Variants in PABPC4L observed in about 807,000 individuals in gnomAD.
PABPC4L encodes the protein poly(A) binding protein cytoplasmic 4 like, also known as polyadenylate-binding protein 4-like.
For missense variants in PABPC4L, 452 were observed against 451.4 expected (o/e 1.00, Z -0.01); for synonymous variants, 169 against 164.1 (o/e 1.03, Z -0.23).
downstream of PABPC4L, among the ~76,000 whole-genome samples, chr4:134,193,644 T>C (rs962299081): frequency 6.6e-6 from 1 of 151,940 alleles, no homozygotes; most frequent in Non-Finnish European, 1.5e-5. Flanking sequence ...CAAGTCCATG[T>C]TGGGCATCAA....
chr4:134,085,914 T>C, the PABPC4L span, among the ~76,000 whole-genome samples: 7 of 152,200 alleles, frequency 4.6e-5, no homozygotes, highest in African/African-American at 1.4e-4. Flanking sequence ...CTGGTAGATA[T>C]GTAAGTACGG....
the PABPC4L span, among the ~76,000 whole-genome samples, chr4:134,013,199 G>A: frequency 5.9e-5 from 9 of 151,636 alleles, no homozygotes; most frequent in South Asian, 2.1e-4. Flanking sequence ...CACCCTTAGC[G>A]GCAAGTCCCA....
chr4:134,050,643 T>G, the PABPC4L span, among the ~76,000 whole-genome samples: 2 of 141,916 alleles, frequency 1.4e-5, no homozygotes, highest in Admixed American at 1.5e-4. Context: ...AGGCAGGGGT[T>G]GCAGTGAGCC....
the PABPC4L span, among the ~76,000 whole-genome samples, chr4:133,956,922 A>G: frequency 6.6e-6 from 1 of 152,166 alleles, no homozygotes; most frequent in African/African-American, 2.4e-5. Flanking sequence ...CTATGATTCA[A>G]TTACTTCCCA....
At chr4:134,152,575 C>G in the PABPC4L span, among the ~76,000 whole-genome samples, 1 of 152,124 alleles carries the variant, frequency 6.6e-6, no homozygotes, top group South Asian at 2.1e-4. Flanking sequence ...TTCTGGGCAT[C>G]TGCACACTCA....
At chr4:133,976,443 T>G in the PABPC4L span, among the ~76,000 whole-genome samples, 2 of 152,176 alleles carry the variant, frequency 1.3e-5, no homozygotes, top group African/African-American at 4.8e-5. Flanking sequence ...TATAATAGAA[T>G]GACCATATTT....
At chr4:134,073,440 G>A in the PABPC4L span, among the ~76,000 whole-genome samples, 1 of 152,326 alleles carries the variant, frequency 6.6e-6, no homozygotes, top group African/African-American at 2.4e-5. Flanking sequence ...GCTCTGCAGG[G>A]TATAGGCCCC....
chr4:133,954,232 G>T, the PABPC4L span, among the ~76,000 whole-genome samples: 1 of 152,154 alleles, frequency 6.6e-6, no homozygotes, highest in Non-Finnish European at 1.5e-5. Flanking sequence ...ACATATGTCG[G>T]GGGAAAGCAT....
At chr4:134,190,445 A>G in the PABPC4L span, among the ~76,000 whole-genome samples, 1 of 151,948 alleles carries the variant, frequency 6.6e-6, no homozygotes, top group East Asian at 1.9e-4. Flanking sequence ...TAATTCTTTA[A>G]TTTTTATTCT....
At chr4:134,006,525 G>T in the PABPC4L span, among the ~76,000 whole-genome samples, 1 of 151,928 alleles carries the variant, frequency 6.6e-6, no homozygotes, top group East Asian at 1.9e-4. Context: ...AGCTACTTTT[G>T]TCTCTTTCTG....
At chr4:134,045,132 CAT>C in the PABPC4L span, among the ~76,000 whole-genome samples, 2 of 152,070 alleles carry the variant, frequency 1.3e-5, no homozygotes, top group Admixed American at 6.6e-5. Flanking sequence ...ACTTTACTAA[CAT>C]TATGCATTTC....
downstream of PABPC4L, among the ~76,000 whole-genome samples, chr4:134,191,720 C>A (rs1226275049): frequency 6.6e-6 from 1 of 151,892 alleles, no homozygotes; most frequent in Non-Finnish European, 1.5e-5. Flanking sequence ...TATTGGTTGA[C>A]CCTAAAGCCG....
At chr4:134,079,578 C>CAAAAAAAA in the PABPC4L span, among the ~76,000 whole-genome samples, 87 of 90,674 alleles carry the variant, frequency 9.6e-4, 2 homozygotes, top group African/African-American at 1.3e-3. Flanking sequence ...GACTTCCTCT[C>CAAAAAAAA]AAAAAAAAAA....
the PABPC4L span, among the ~76,000 whole-genome samples, chr4:134,124,333 C>T: frequency 6.6e-6 from 1 of 152,070 alleles, no homozygotes. Flanking sequence ...ACTACTAAAA[C>T]AACCTGCTGC....
the PABPC4L span, among the ~76,000 whole-genome samples, chr4:134,185,924 C>T: frequency 6.6e-6 from 1 of 152,090 alleles, no homozygotes; most frequent in African/African-American, 2.4e-5. Context: ...CATGAGTGAA[C>T]TCCCATTCAC....
At chr4:134,070,925 A>T in the PABPC4L span, among the ~76,000 whole-genome samples, 2 of 152,166 alleles carry the variant, frequency 1.3e-5, no homozygotes, top group Non-Finnish European at 2.9e-5. Flanking sequence ...GACATTCTCC[A>T]TATGGCTAAA....
the PABPC4L span, among the ~76,000 whole-genome samples, chr4:134,164,405 GATTTTATA>G: frequency 6.6e-6 from 1 of 151,038 alleles, no homozygotes; most frequent in East Asian, 2.0e-4. Context: ...AAGACTCCTA[GATTTTATA>G]AATGAATTCA....
the PABPC4L span, among the ~76,000 whole-genome samples, chr4:134,017,187 C>T: frequency 6.6e-6 from 1 of 152,148 alleles, no homozygotes; most frequent in Non-Finnish European, 1.5e-5. Flanking sequence ...AAAGATAGAA[C>T]AGACTAATGG....
the PABPC4L span, among the ~76,000 whole-genome samples, chr4:134,178,112 C>T: frequency 3.3e-4 from 50 of 152,174 alleles, no homozygotes; most frequent in African/African-American, 9.9e-4. Context: ...AGGGCAGGCA[C>T]AACCTTGTAT....
Sources: allele counts gnomAD v4.1 joint callset (sites outside exome capture counted in the v4.1 genomes callset), GRCh38; gene constraint gnomAD v4.1.1; transcripts MANE v1.5; gene names NCBI Gene and HGNC (gene_info 2026-07-23, HGNC 2026-07-21).